The following TENM2 variants were observed in gnomAD, a reference collection of about 807,000 sequenced individuals.
TENM2 encodes teneurin-2.
In TENM2, 52 loss-of-function variants were observed where a neutral mutation model predicts 245.2. The ratio of observed to expected loss-of-function variants is 0.21; its 90% CI spans 0.17 to 0.27. The LOEUF is 0.27. Ranked by LOEUF, TENM2 falls within the 10% of genes least tolerant of loss-of-function variation. The pLI is 1.00. For synonymous variants in TENM2, 1,363 were observed against 1,438.9 expected (o/e 0.95, Z 1.19); for missense variants, 3,046 against 3,666.8 (o/e 0.83, Z 4.37).
chr5:167,807,623 TTAAAA>T (rs760055113), intron 2 of TENM2, among the ~76,000 whole-genome samples: 430 of 28,566 alleles, frequency 0.015, 3 homozygotes, highest in South Asian at 0.046. Flanking sequence ...TGCATTTTTT[TTAAAA>T]AAAAAAAAAA....
chr5:167,902,189 T>G (rs1775759055), intron 3 of TENM2, among the ~76,000 whole-genome samples: 1 of 152,094 alleles, frequency 6.6e-6, no homozygotes, highest in African/African-American at 2.4e-5. Flanking sequence ...GTGGGGTGCA[T>G]GGGCATGTAC....
chr5:167,431,970 T>TATATACATATATATATAC (rs1554150946), intron 2 of TENM2, among the ~76,000 whole-genome samples: 2 of 135,530 alleles, frequency 1.5e-5, no homozygotes, highest in African/African-American at 5.7e-5. Context: ...TGTATATATA[T>TATATACATATATATATAC]ATATATATGG....
At chr5:167,159,262 C>T in the TENM2 span, among the ~76,000 whole-genome samples, 2 of 151,664 alleles carry the variant, frequency 1.3e-5, no homozygotes, top group Admixed American at 6.6e-5. Context: ...TCTTTAAAGT[C>T]TCTTAGAATC....
In TENM2 at chr5:167,520,487, C is replaced by CTT. The variant is rs60785742; in HGVS notation, c.502+145017_502+145018dup. ...TTCAGTATGAGATGGGAGGGTAAGG[C>CTT]TTTTGTATGAGGATCATAATGCACA... On this transcript the variant is annotated intron_variant, in intron 2 of 28. Coordinates refer to ENST00000518659, the Ensembl canonical transcript of TENM2. Among the ~76,000 whole-genome samples the CTT allele has an allele frequency of 3.3e-3, 504 of 152,098 alleles. 27 individuals carry two copies. In the South Asian group the frequency reaches 0.084, roughly 25 times the overall value.
chr5:167,883,200 C>T (rs1278672867), intron 3 of TENM2, among the ~76,000 whole-genome samples: 1 of 152,190 alleles, frequency 6.6e-6, no homozygotes, highest in East Asian at 1.9e-4. Flanking sequence ...AACCTGGGCT[C>T]CCAAAGACCC....
At chr5:167,270,093 G>C in the TENM2 span, among the ~76,000 whole-genome samples, 1 of 152,172 alleles carries the variant, frequency 6.6e-6, no homozygotes, top group African/African-American at 2.4e-5. Context: ...GATGTAGTTA[G>C]AACACCTCAG....
At chr5:168,054,545 G>A (rs919009460) in intron 6 of TENM2, among the ~76,000 whole-genome samples, 13 of 152,294 alleles carry the variant, frequency 8.5e-5, no homozygotes, top group Middle Eastern at 6.8e-3. Context: ...TCCAGAGTTC[G>A]GTTAAGTTAG....
chr5:167,626,186 GT>G (rs1309688601), intron 2 of TENM2, among the ~76,000 whole-genome samples: 4 of 152,106 alleles, frequency 2.6e-5, no homozygotes, highest in African/African-American at 9.7e-5. Context: ...TAATGGCTAA[GT>G]TTTATGATAT....
chr5:168,107,128 G>A (rs187016519), intron 9 of TENM2, among the ~76,000 whole-genome samples: 5 of 152,184 alleles, frequency 3.3e-5, no homozygotes, highest in Admixed American at 1.3e-4. Flanking sequence ...CTTCCCAGCC[G>A]CCAGGCACGT....
intron 1 of TENM2, among the ~76,000 whole-genome samples, chr5:167,299,736 G>A (rs544447099): frequency 6.6e-6 from 1 of 152,214 alleles, no homozygotes; most frequent in South Asian, 2.1e-4. Flanking sequence ...GAAATGGGGT[G>A]AACGTCAGGT....
At chr5:167,842,669 C>T (rs2151161953) in intron 2 of TENM2, among the ~76,000 whole-genome samples, 1 of 151,756 alleles carries the variant, frequency 6.6e-6, no homozygotes, top group East Asian at 1.9e-4. Flanking sequence ...CTGCACAAAC[C>T]CAGGTAGAGT....
intron 2 of TENM2, among the ~76,000 whole-genome samples, chr5:167,378,378 C>CTTCTTT (rs576878545): frequency 2.7e-5 from 3 of 110,086 alleles, no homozygotes; most frequent in Non-Finnish European, 5.6e-5. Context: ...CTTTCTTCTT[C>CTTCTTT]TTTTTTTTTT....
At chr5:167,118,449 CG>C in the TENM2 span, among the ~76,000 whole-genome samples, 1 of 152,140 alleles carries the variant, frequency 6.6e-6, no homozygotes, top group Non-Finnish European at 1.5e-5. Flanking sequence ...AGAATGATCT[CG>C]TAGGGATAGT....
chr5:167,651,525 TTGTACC>T (rs141339302), intron 2 of TENM2, among the ~76,000 whole-genome samples: 6,522 of 152,206 alleles, frequency 0.043, 496 homozygotes, highest in African/African-American at 0.15. Flanking sequence ...GCATGCTATT[TTGTACC>T]TGTAGTAATA....
chr5:167,970,249 G>A lies in TENM2; in HGVS notation c.947+17427G>A, dbSNP rs201060149. Among the ~76,000 whole-genome samples, 5 of 152,202 alleles carry A rather than the reference G, an allele frequency of 3.3e-5. No individual in the cohort carries two copies. In the East Asian group the frequency reaches 7.7e-4, roughly 23 times the overall value. On this transcript the variant is annotated intron_variant, in intron 4 of 28. Transcript: ENST00000518659. ...TTCTGACTCATCACCCTCTCTGGTT[G>A]ACTTCTCAAACGTCCCACGACTTTA...
intron 1 of TENM2, among the ~76,000 whole-genome samples, chr5:167,345,424 C>T (rs887223929): frequency 2.6e-5 from 4 of 151,964 alleles, no homozygotes; most frequent in Non-Finnish European, 4.4e-5. Context: ...GCACCCAGGG[C>T]GTTGAATCTG....
chr5:167,787,016 C>T (rs1202020418), intron 2 of TENM2, among the ~76,000 whole-genome samples: 1 of 152,204 alleles, frequency 6.6e-6, no homozygotes, highest in African/African-American at 2.4e-5. Context: ...AAATACCAGA[C>T]ACTTGACAAC....
chr5:167,048,137 T>A, the TENM2 span, among the ~76,000 whole-genome samples: 1 of 152,206 alleles, frequency 6.6e-6, no homozygotes, highest in East Asian at 1.9e-4. Flanking sequence ...TTTGGCTATG[T>A]TTCCCCTGTT....
At chr5:167,143,594 T>C in the TENM2 span, among the ~76,000 whole-genome samples, 1 of 152,178 alleles carries the variant, frequency 6.6e-6, no homozygotes, top group Non-Finnish European at 1.5e-5. Flanking sequence ...GGAAAAAGCA[T>C]GAAGTGGTTG....
Sources: allele counts gnomAD v4.1 joint callset (sites outside exome capture counted in the v4.1 genomes callset), GRCh38; gene constraint gnomAD v4.1.1; transcripts MANE v1.5; gene names NCBI Gene and HGNC (gene_info 2026-07-23, HGNC 2026-07-21).